ATG4B: variants seen among roughly 807,000 people sequenced by gnomAD.
The protein encoded by ATG4B is cysteine protease ATG4B.
ATG4B carries 29 observed loss-of-function variants against 56.6 expected under a neutral mutation model. The observed-to-expected ratio is 0.51, with a 90% CI of 0.38 to 0.70. The LOEUF (loss-of-function observed/expected upper bound fraction) is 0.70. Ranked by LOEUF, ATG4B falls within the 30% of genes least tolerant of loss-of-function variation. The probability of loss-of-function intolerance (pLI) is 0.00; values close to 1 mark genes in which losing one functional copy is unlikely to be tolerated. For missense variants in ATG4B, 461 were observed against 515.5 expected (o/e 0.89, Z 1.02); for synonymous variants, 224 against 206.1 (o/e 1.09, Z -0.74).
intron 7 of ATG4B, among the ~76,000 whole-genome samples, chr2:241,666,178 C>A (rs1559269308): frequency 6.6e-6 from 1 of 152,228 alleles, no homozygotes; most frequent in Non-Finnish European, 1.5e-5. Flanking sequence ...CCCGGAGTGT[C>A]TTCTCCCATC....
rs1409273864 is a variant in ATG4B, at chr2:241,668,471, T to C, written c.812-69T>C. 2 of 1,554,786 alleles carry C rather than the reference T, an allele frequency of 1.3e-6. No homozygotes were observed. Among genetic ancestry groups the C allele is most frequent in the South Asian group, 1.2e-5 (1 of 85,438 alleles). On this transcript the variant is annotated intron_variant, in intron 9 of 12. Transcript: ENST00000404914. This position sits in a 1 kb window ranked among gnomAD's most constrained non-coding sequence, Gnocchi z 4.2. ...TGATGTGGGTGCAGTGGGTCTGAAA[T>C]GCGGCCTCCTCTGTCCCTTTCCTCT...
chr2:241,643,489 G>C (rs931655697), intron 1 of ATG4B, among the ~76,000 whole-genome samples: 3 of 150,536 alleles, frequency 2.0e-5, no homozygotes, highest in Non-Finnish European at 4.4e-5. Context: ...TTACAGGCAT[G>C]AGCCACGGCA....
Position 241,668,782 on chromosome 2 carries a change from C to T in ATG4B, c.957+97C>T, listed in dbSNP as rs2068861064. ...CGGATTTTTGCGTTTTTTTTTTCAG[C>T]ATGTTGGGATAAGTACTGTGTTCAC... is the stretch of plus-strand genomic sequence containing the variant. On this transcript the variant is annotated intron_variant, in intron 10 of 12. Coordinates refer to ENST00000404914, the MANE Select transcript of ATG4B (RefSeq NM_013325.5). This position sits in a 1 kb window ranked among gnomAD's most constrained non-coding sequence, Gnocchi z 4.2. The T allele has an allele frequency of 1.4e-6, 2 of 1,457,754 alleles. No individual in the cohort carries two copies. Among genetic ancestry groups the T allele is most frequent in the Admixed American group, 2.3e-5 (1 of 43,046 alleles). 90.3% of individuals were successfully genotyped at this position (1,457,754 alleles called of 1,614,324 possible). A position where few individuals can be genotyped will look rare whatever the true frequency, so the allele number is the denominator to read the frequency against.
chr2:241,656,540 C>T lies in ATG4B; in HGVS notation c.458+1197C>T, dbSNP rs542199701. Among the ~76,000 whole-genome samples, 14 of 152,318 alleles carry T rather than the reference C, an allele frequency of 9.2e-5. 2 individuals carry two copies. Among genetic ancestry groups the T allele is most frequent in the African/African-American group, 2.2e-4 (9 of 41,572 alleles). On this transcript the variant is annotated intron_variant, in intron 6 of 12. Coordinates refer to ENST00000404914, the MANE Select transcript of ATG4B (RefSeq NM_013325.5). ...GAAGCACCAGGCCACTCGCCATGCT[C>T]GCTGTTTCTCCTGGTCCCCTGCCTG...
At chr2:241,639,439 C>T (rs1575050688) in intron 1 of ATG4B, among the ~76,000 whole-genome samples, 1 of 152,346 alleles carries the variant, frequency 6.6e-6, no homozygotes, top group East Asian at 1.9e-4. Flanking sequence ...CCTCCTGTCA[C>T]GTGGGGTGTC....
At position 241,651,057 on chromosome 2, in the gene ATG4B, C is replaced by T. The variant is rs780682001; in HGVS notation, c.58C>T (p.Pro20Ser). 9 of 1,613,984 alleles carry T rather than the reference C, an allele frequency of 5.6e-6. No homozygotes were observed. Among genetic ancestry groups the T allele is most frequent in the East Asian group, 2.2e-5 (1 of 44,890 alleles). The change falls in exon 2 of 13, where the codon CCT becomes TCT. Residue 20 changes from proline (P) to serine (S), a missense_variant. Coordinates refer to ENST00000404914, the MANE Select transcript of ATG4B (RefSeq NM_013325.5). This position sits in a 1 kb window ranked among gnomAD's most constrained non-coding sequence, Gnocchi z 4.1. ...CCGGTTTGCTGAGTTTGAAGATTTT[C>T]CTGAGACCTCAGAGCCCGTTTGGAT... is the stretch of plus-strand genomic sequence containing the variant. ...TLRFAEFEDF[P>S]ETSEPVWILG...
At position 241,651,656 on chromosome 2, in the gene ATG4B, A is replaced by C. The variant is rs1420654408; in HGVS notation, c.184+321A>C. On this transcript the variant is annotated intron_variant, in intron 3 of 12. Coordinates refer to ENST00000404914, the MANE Select transcript of ATG4B (RefSeq NM_013325.5). This position sits in a 1 kb window ranked among gnomAD's most constrained non-coding sequence, Gnocchi z 4.1. Reference sequence around the variant, plus strand: ...AAAGCGGTGTGTGTCCGCCACGGGCACGCAGCATGGCGCTTCAGGGATCTT... The same window carrying C: ...AAAGCGGTGTGTGTCCGCCACGGGCCCGCAGCATGGCGCTTCAGGGATCTT... 1.3e-5 allele frequency among the ~76,000 whole-genome samples: 2 copies of C among 152,252 alleles called. No homozygotes were observed. The highest frequency in any genetic ancestry group is 2.9e-5 in the Non-Finnish European group (2 of 68,042).
intron 10 of ATG4B, among the ~76,000 whole-genome samples, chr2:241,670,394 G>A (rs546505698): frequency 1.3e-5 from 2 of 152,252 alleles, no homozygotes; most frequent in African/African-American, 2.4e-5. Flanking sequence ...ACAGAGAGAA[G>A]AGCTCCCCAC....
At chr2:241,670,385 C>G (rs563582803) in intron 10 of ATG4B, among the ~76,000 whole-genome samples, 1 of 152,106 alleles carries the variant, frequency 6.6e-6, no homozygotes, top group East Asian at 1.9e-4. Context: ...CTCACAGTCA[C>G]AGAGAGAAGA....
In ATG4B at chr2:241,637,836, C is replaced by T. The variant is rs572290737; in HGVS notation, c.10+112C>T. 7.9e-5 allele frequency: 99 copies of T among 1,256,726 alleles called. No individual in the cohort carries two copies. The African/African-American group carries it at 1.3e-3, about 17-fold the overall frequency. The allele number at this position is 1,256,726 out of a possible 1,614,324, so 77.8% of individuals were successfully genotyped here. A position where few individuals can be genotyped will look rare whatever the true frequency, so the allele number is the denominator to read the frequency against. On this transcript the variant is annotated intron_variant, in intron 1 of 12. Transcript: ENST00000404914. ...CGCCTCGGGGCACGCCGGTGCGGGC[C>T]AGGCTGGGCCGGGGCGGCGGGCGCT...
chr2:241,637,882 T>TG, intron 1 of ATG4B, 158 bp downstream of exon 1: 1 of 202,606 alleles, frequency 4.9e-6, no homozygotes, highest in East Asian at 2.4e-4. Flanking sequence ...GGGGCGGTGT[T>TG]GGTGGGTGGT....
Position 241,643,663 on chromosome 2 carries a change from C to T in ATG4B, c.10+5939C>T, listed in dbSNP as rs1012588731. ...ACATATATGTATAAATATATATATACGTGTGTGTGTGTGTGTGTATGTATA... is the reference window on the plus strand; with the variant it reads ...ACATATATGTATAAATATATATATATGTGTGTGTGTGTGTGTGTATGTATA... On this transcript the variant is annotated intron_variant, in intron 1 of 12. Coordinates refer to ENST00000404914, the MANE Select transcript of ATG4B (RefSeq NM_013325.5). Among the ~76,000 whole-genome samples, 62 of 135,644 alleles carry T rather than the reference C, an allele frequency of 4.6e-4. 1 individual carries two copies. Among genetic ancestry groups the T allele is most frequent in the African/African-American group, 1.6e-3 (53 of 34,126 alleles). The allele number at this position is 135,644 out of a possible 152,430, so 89.0% of individuals were successfully genotyped here.
rs1143509 is a variant in ATG4B, at chr2:241,673,340, G to A, written c.*1076G>A. On this transcript the variant is annotated 3_prime_UTR_variant, in exon 13 of 13. Coordinates refer to ENST00000404914, the MANE Select transcript of ATG4B (RefSeq NM_013325.5). ...CGGGTCCCAGAGTGCACTCTGCCCC[G>A]CTGCTCTGCTGCCTGTCCTGGGAAA... is the stretch of plus-strand genomic sequence containing the variant. The A allele has an allele frequency of 0.37, 131,026 of 355,478 alleles. 25,370 individuals carry two copies. The highest frequency in any genetic ancestry group is 0.47 in the Middle Eastern group (456 of 962). The allele number at this position is 355,478 out of a possible 1,614,324, so 22.0% of individuals were successfully genotyped here. A position where few individuals can be genotyped will look rare whatever the true frequency, so the allele number is the denominator to read the frequency against.
Position 241,654,252 on chromosome 2 carries a change from C to T in ATG4B, c.284-294C>T, listed in dbSNP as rs185261005. ...CCTGGCCAGCATGGTGAAACCCCATCTCTACTAAAAACACAAAAATTAGCT... is the reference window on the plus strand; with the variant it reads ...CCTGGCCAGCATGGTGAAACCCCATTTCTACTAAAAACACAAAAATTAGCT... On this transcript the variant is annotated intron_variant, in intron 4 of 12. Coordinates refer to ENST00000404914, the MANE Select transcript of ATG4B (RefSeq NM_013325.5). 2.6e-5 allele frequency among the ~76,000 whole-genome samples: 4 copies of T among 151,796 alleles called. No individual in the cohort carries two copies. The East Asian group carries it at 7.8e-4, about 30-fold the overall frequency.
rs2068227692 is a variant in ATG4B at position 241,651,440 on chromosome 2, A to C, written c.184+105A>C. 1 of 885,032 alleles carries C rather than the reference A, an allele frequency of 1.1e-6. No individual in the cohort carries two copies. Among genetic ancestry groups the C allele is most frequent in the African/African-American group, 1.7e-5 (1 of 59,342 alleles). The allele number at this position is 885,032 out of a possible 1,614,324, so 54.8% of individuals were successfully genotyped here. On this transcript the variant is annotated intron_variant, in intron 3 of 12. Coordinates refer to ENST00000404914, the MANE Select transcript of ATG4B (RefSeq NM_013325.5). This position sits in a 1 kb window ranked among gnomAD's most constrained non-coding sequence, Gnocchi z 4.1. ...TCAATATGCCACTGACTTCATTTGA[A>C]TCTTCACAGCAATCCTGCTTAACTG... is the stretch of plus-strand genomic sequence containing the variant.
chr2:241,671,329 T>C lies in ATG4B; in HGVS notation c.1032T>C (p.Gly344=). ...QQVKKLSLLG[G]ALPMFELVEL... ...ACTAACAGCTGTCTCTGCTTGGAGG[T>C]GCCCTGCCCATGTTTGAGCTGGTGG... The change falls in exon 12 of 13, where the codon GGT becomes GGC. Residue 344 remains glycine, a synonymous_variant. Coordinates refer to ENST00000404914, the MANE Select transcript of ATG4B (RefSeq NM_013325.5). 1 of 1,613,316 alleles carries C rather than the reference T, an allele frequency of 6.2e-7. No individual in the cohort carries two copies.
At chr2:241,654,913 C>G in intron 5 of ATG4B, 1 of 575,318 alleles carries the variant, frequency 1.7e-6, no homozygotes, top group Non-Finnish European at 3.1e-6. Flanking sequence ...TCGGCACAGT[C>G]TGGGGAAATT....
chr2:241,668,578 C>T lies in ATG4B; in HGVS notation c.850C>T (p.Pro284Ser). 6.2e-7 allele frequency: 1 copy of T among 1,608,528 alleles called. No individual in the cohort carries two copies. ...CTACCTGGACCCCCACACCACGCAGCCAGCCGTGGAGCCCACTGATGGCTG... is the reference window on the plus strand; with the variant it reads ...CTACCTGGACCCCCACACCACGCAGTCAGCCGTGGAGCCCACTGATGGCTG... Reference protein sequence around the residue: ...LIYLDPHTTQPAVEPTDGCFI... With the variant: ...LIYLDPHTTQSAVEPTDGCFI... Residue 284 changes from proline to serine, a missense_variant, in exon 10 of 13, where the codon CCA (proline) becomes TCA (serine). Physicochemically the swap from Pro to Ser is moderately conservative, Grantham distance 74. Coordinates refer to ENST00000404914, the MANE Select transcript of ATG4B (RefSeq NM_013325.5). The surrounding 1 kb of genome is among the most constrained non-coding windows in gnomAD (Gnocchi z 4.2).
At chr2:241,667,811 C>T (rs544371556) in intron 8 of ATG4B, 7 of 273,328 alleles carry the variant, frequency 2.6e-5, no homozygotes, top group Non-Finnish European at 4.2e-5. Context: ...CCGTCTCCAT[C>T]GCTTCTGCCC....
Sources: allele counts gnomAD v4.1 joint callset (sites outside exome capture counted in the v4.1 genomes callset), GRCh38; gene constraint gnomAD v4.1.1; non-coding constraint Gnocchi (gnomAD v3.1); transcripts MANE v1.5; gene names NCBI Gene and HGNC (gene_info 2026-07-23, HGNC 2026-07-21).